The following KHDRBS3 variants were observed in gnomAD, a reference collection of about 807,000 sequenced individuals.
KHDRBS3 encodes the protein KH RNA binding domain containing, signal transduction associated 3, also known as KH domain-containing, RNA-binding, signal transduction-associated protein 3.
Under a neutral mutation model 45.6 loss-of-function variants are expected in KHDRBS3, and 23 were observed. The observed-to-expected ratio is 0.50, with a 90% CI of 0.36 to 0.72. The LOEUF (loss-of-function observed/expected upper bound fraction) is 0.72. Ranked by LOEUF, KHDRBS3 falls within the 30% of genes least tolerant of loss-of-function variation. The probability of loss-of-function intolerance (pLI) is 0.00; values close to 1 mark genes in which losing one functional copy is unlikely to be tolerated. For synonymous variants in KHDRBS3, 162 were observed against 156.5 expected, an observed-to-expected ratio of 1.04 and a Z score of -0.26; for missense variants, 352 against 424.8, an observed-to-expected ratio of 0.83 and a Z score of 1.51.
Position 135,470,575 on chromosome 8 carries a change from CTTTT to C in KHDRBS3, c.88+12632_88+12635del, listed in dbSNP as rs397962210. On this transcript the variant is annotated intron_variant, in intron 1 of 8. Transcript: ENST00000355849. ...TTCCCCCTTGGTCAGGGTTTTGCTG[CTTTT>C]TTTTTTTTTTCTTCTTCTTTCCCTG... Among the ~76,000 whole-genome samples, 6 of 141,894 alleles carry C rather than the reference CTTTT, an allele frequency of 4.2e-5. No homozygotes were observed. The East Asian group carries it at 1.2e-3, about 29-fold the overall frequency. The allele number at this position is 141,894 out of a possible 152,430, so 93.1% of individuals were successfully genotyped here.
intron 7 of KHDRBS3, among the ~76,000 whole-genome samples, chr8:135,622,792 C>T (rs556718699): frequency 6.6e-6 from 1 of 152,238 alleles, no homozygotes; most frequent in South Asian, 2.1e-4. Flanking sequence ...CAAAAGATTC[C>T]ATGCCTTGAC....
At chr8:135,488,000 G>T (rs539454303) in intron 1 of KHDRBS3, among the ~76,000 whole-genome samples, 295 of 152,248 alleles carry the variant, frequency 1.9e-3, no homozygotes, top group African/African-American at 6.7e-3. Flanking sequence ...GTGTTTTATT[G>T]TTTTCACAAA....
chr8:135,569,449 A>T (rs2130878781), intron 5 of KHDRBS3, among the ~76,000 whole-genome samples: 1 of 152,322 alleles, frequency 6.6e-6, no homozygotes, highest in East Asian at 1.9e-4. Context: ...ACGACCAGGT[A>T]AGAGGTTTTA....
At chr8:135,517,567 T>C (rs556811469) in intron 1 of KHDRBS3, among the ~76,000 whole-genome samples, 1 of 152,310 alleles carries the variant, frequency 6.6e-6, no homozygotes, top group Admixed American at 6.5e-5. Flanking sequence ...ATTAAGCTAC[T>C]TATAATGCTC....
chr8:135,520,800 G>A (rs1259888869), intron 1 of KHDRBS3, among the ~76,000 whole-genome samples: 2 of 152,204 alleles, frequency 1.3e-5, no homozygotes, highest in Non-Finnish European at 2.9e-5. Context: ...TGTCTAGGGT[G>A]TTTAATGCCA....
At chr8:135,645,529 C>G (rs561946814) in intron 8 of KHDRBS3, among the ~76,000 whole-genome samples, 10 of 152,206 alleles carry the variant, frequency 6.6e-5, no homozygotes, top group Admixed American at 5.9e-4. Context: ...TAATTCATTT[C>G]CAATCTCAAA....
intron 7 of KHDRBS3, among the ~76,000 whole-genome samples, chr8:135,608,404 G>C (rs189972396): frequency 2.0e-5 from 3 of 152,250 alleles, no homozygotes; most frequent in Admixed American, 6.5e-5. Context: ...CTATATTCCT[G>C]GCACTGTTTC....
intron 6 of KHDRBS3, among the ~76,000 whole-genome samples, chr8:135,603,563 C>T (rs887717825): frequency 6.6e-6 from 1 of 152,166 alleles, no homozygotes; most frequent in Non-Finnish European, 1.5e-5. Flanking sequence ...TGTTATTCCT[C>T]TGCCCCCATT....
At chr8:135,533,811 A>C (rs1450549335) in intron 2 of KHDRBS3, among the ~76,000 whole-genome samples, 2 of 152,174 alleles carry the variant, frequency 1.3e-5, no homozygotes, top group African/African-American at 4.8e-5. Context: ...ACTGAACATC[A>C]AAGCTTAGCC....
chr8:135,510,368 T>C (rs1445782186), intron 1 of KHDRBS3, among the ~76,000 whole-genome samples: 5 of 152,224 alleles, frequency 3.3e-5, no homozygotes. Context: ...TTTTATAAAA[T>C]GTTTGTAGAA....
chr8:135,638,406 C>G (rs75767708), intron 7 of KHDRBS3, among the ~76,000 whole-genome samples: 1,778 of 152,182 alleles, frequency 0.012, 30 homozygotes, highest in African/African-American at 0.038. Flanking sequence ...CCAGAAGAAG[C>G]CTGTTTTAAA....
intron 7 of KHDRBS3, among the ~76,000 whole-genome samples, chr8:135,607,815 G>A (rs1040667831): frequency 1.3e-5 from 2 of 152,164 alleles, no homozygotes; most frequent in Admixed American, 6.5e-5. Flanking sequence ...ATTCACTTTT[G>A]AACTCGTCCA....
At chr8:135,524,357 G>T (rs1388671729) in intron 2 of KHDRBS3, among the ~76,000 whole-genome samples, 2 of 152,100 alleles carry the variant, frequency 1.3e-5, no homozygotes, top group Non-Finnish European at 2.9e-5. Context: ...TTAGTGTTAT[G>T]CTAGTTTCAT....
chr8:135,625,366 A>G lies in KHDRBS3; in HGVS notation c.890+18329A>G. On this transcript the variant is annotated intron_variant, in intron 7 of 8. Coordinates refer to ENST00000355849, the MANE Select transcript of KHDRBS3 (RefSeq NM_006558.3). ...AATCCCTCTCTTTCTCCAAGTCTTCAACGGTAAGTTTCAATACATTGAGTG... is the reference window on the plus strand; with the variant it reads ...AATCCCTCTCTTTCTCCAAGTCTTCGACGGTAAGTTTCAATACATTGAGTG... 3 of 897,436 alleles carry G rather than the reference A, an allele frequency of 3.3e-6. No individual in the cohort carries two copies. In the East Asian group the frequency reaches 7.2e-5, roughly 22 times the overall value. The allele number at this position is 897,436 out of a possible 1,614,324, so 55.6% of individuals were successfully genotyped here.
intron 2 of KHDRBS3, among the ~76,000 whole-genome samples, chr8:135,524,621 C>T (rs1471403388): frequency 1.3e-5 from 2 of 150,712 alleles, no homozygotes; most frequent in Non-Finnish European, 3.0e-5. Context: ...CTGATCGTTT[C>T]TCCTCTCATT....
intron 1 of KHDRBS3, among the ~76,000 whole-genome samples, chr8:135,462,263 G>A (rs991538275): frequency 8.2e-5 from 12 of 147,232 alleles, no homozygotes; most frequent in South Asian, 2.1e-4. Context: ...AAGAAAATGC[G>A]ATCACTCACA....
At chr8:135,566,440 A>C (rs1398444001) in intron 5 of KHDRBS3, among the ~76,000 whole-genome samples, 1 of 152,242 alleles carries the variant, frequency 6.6e-6, no homozygotes, top group East Asian at 1.9e-4. Flanking sequence ...TAATTCAATC[A>C]AACACGGTAC....
At chr8:135,562,604 C>T (rs749859028) in intron 5 of KHDRBS3, among the ~76,000 whole-genome samples, 44 of 152,140 alleles carry the variant, frequency 2.9e-4, no homozygotes, top group Non-Finnish European at 5.7e-4. Context: ...ATATAGTCCA[C>T]AGAATAAAAC....
chr8:135,458,264 C>T, intron 1 of KHDRBS3: 1 of 1,005,686 alleles, frequency 9.9e-7, no homozygotes, highest in East Asian at 5.9e-5. Context: ...CATCTGGGGG[C>T]TTCGTTGGGA....
Sources: allele counts gnomAD v4.1 joint callset (sites outside exome capture counted in the v4.1 genomes callset), GRCh38; gene constraint gnomAD v4.1.1; transcripts MANE v1.5; gene names NCBI Gene and HGNC (gene_info 2026-07-23, HGNC 2026-07-21).